L3MBTL4: variants seen among roughly 807,000 people sequenced by gnomAD.
L3MBTL4 encodes the protein lethal(3)malignant brain tumor-like protein 4.
A neutral mutation model predicts 84.5 loss-of-function variants in L3MBTL4; 70 were observed. The observed-to-expected ratio is 0.83, with a 90% CI of 0.68 to 1.01. The LOEUF is 1.01. L3MBTL4 is among the 50% of genes least tolerant of loss of function. The pLI is 0.00. For synonymous variants in L3MBTL4, 274 were observed against 259.8 expected, an observed-to-expected ratio of 1.05 and a Z score of -0.52; for missense variants, 715 against 754.8, an observed-to-expected ratio of 0.95 and a Z score of 0.62.
intron 12 of L3MBTL4, among the ~76,000 whole-genome samples, chr18:6,183,638 T>A (rs1326749700): frequency 6.6e-6 from 1 of 152,210 alleles, no homozygotes; most frequent in Non-Finnish European, 1.5e-5. Context: ...GACATAGGAT[T>A]TCTAAATAAG....
At chr18:6,245,513 T>C (rs1314919660) in intron 5 of L3MBTL4, among the ~76,000 whole-genome samples, 2 of 152,022 alleles carry the variant, frequency 1.3e-5, no homozygotes, top group African/African-American at 4.8e-5. Context: ...GTAAAATATA[T>C]CAATTATTTT....
At chr18:6,135,401 G>A (rs1415126807) in intron 14 of L3MBTL4, among the ~76,000 whole-genome samples, 1 of 152,138 alleles carries the variant, frequency 6.6e-6, no homozygotes, top group African/African-American at 2.4e-5. Context: ...CAAAAAATGG[G>A]TTTTTCTTTT....
At chr18:6,145,822 C>T (rs1279010895) in intron 13 of L3MBTL4, among the ~76,000 whole-genome samples, 1 of 152,092 alleles carries the variant, frequency 6.6e-6, no homozygotes, top group Non-Finnish European at 1.5e-5. Context: ...AGGGATATGG[C>T]GGCAAACCAG....
At chr18:6,311,124 C>T (rs2050808570) in intron 3 of L3MBTL4, among the ~76,000 whole-genome samples, 1 of 151,992 alleles carries the variant, frequency 6.6e-6, no homozygotes, top group Non-Finnish European at 1.5e-5. Flanking sequence ...ATAAGTCTCT[C>T]TCTCTCTCAC....
intron 1 of L3MBTL4, among the ~76,000 whole-genome samples, chr18:6,331,617 G>A (rs1002947071): frequency 1.3e-5 from 2 of 152,078 alleles, no homozygotes; most frequent in South Asian, 2.1e-4. Flanking sequence ...AAGCCTAGAG[G>A]AACTTAAAAT....
intron 16 of L3MBTL4, among the ~76,000 whole-genome samples, chr18:6,008,783 T>C (rs755644145): frequency 7.9e-5 from 12 of 152,232 alleles, no homozygotes; most frequent in Non-Finnish European, 1.6e-4. Flanking sequence ...TTTATTACAA[T>C]GTGGCTCTTT....
chr18:6,378,512 G>C (rs1188964708), intron 1 of L3MBTL4, among the ~76,000 whole-genome samples: 2 of 152,108 alleles, frequency 1.3e-5, no homozygotes, highest in Non-Finnish European at 2.9e-5. Context: ...ATAAGGAAGG[G>C]GTCCAGTTTC....
chr18:6,320,105 T>TA lies in L3MBTL4; in HGVS notation c.-90-8050dup, dbSNP rs532272451. Reference sequence around the variant, plus strand: ...TAAAAACTCCAGTATCCCTTTATGATAAAAAACCCTCAACAAACTAGACAT... The same window carrying TA: ...TAAAAACTCCAGTATCCCTTTATGATAAAAAAACCCTCAACAAACTAGACAT... On this transcript the variant is annotated intron_variant, in intron 1 of 18. Coordinates refer to ENST00000317931, the MANE Select transcript of L3MBTL4 (RefSeq NM_001330559.2). Among the ~76,000 whole-genome samples, 90 of 152,004 alleles carry TA rather than the reference T, an allele frequency of 5.9e-4. No individual in the cohort carries two copies. In the South Asian group the frequency reaches 0.011, roughly 19 times the overall value.
At chr18:6,257,423 G>A (rs949072857) in intron 5 of L3MBTL4, among the ~76,000 whole-genome samples, 9 of 151,830 alleles carry the variant, frequency 5.9e-5, no homozygotes, top group African/African-American at 2.2e-4. Context: ...TGACCCAAAG[G>A]TCAGGTTGCG....
intron 13 of L3MBTL4, among the ~76,000 whole-genome samples, chr18:6,164,970 G>A (rs774224688): frequency 1.2e-4 from 18 of 152,174 alleles, no homozygotes; most frequent in Non-Finnish European, 8.8e-5. Context: ...AATAATCAAC[G>A]TGGAGAAGTC....
chr18:6,037,676 A>G (rs1488929290), intron 16 of L3MBTL4, among the ~76,000 whole-genome samples: 1 of 152,246 alleles, frequency 6.6e-6, no homozygotes, highest in Non-Finnish European at 1.5e-5. Flanking sequence ...TGCTTGCAGT[A>G]TGCAAACAGA....
At chr18:5,971,434 T>G (rs2052637059) in intron 16 of L3MBTL4, among the ~76,000 whole-genome samples, 1 of 152,212 alleles carries the variant, frequency 6.6e-6, no homozygotes, top group Non-Finnish European at 1.5e-5. Context: ...TGAAATAGTG[T>G]GGACTTAAAC....
Position 6,264,294 on chromosome 18 carries a change from C to T in L3MBTL4, c.128-256G>A, listed in dbSNP as rs1159992849. Among the ~76,000 whole-genome samples, 5 of 152,206 alleles carry T rather than the reference C, an allele frequency of 3.3e-5. No individual in the cohort carries two copies. The East Asian group carries it at 5.8e-4, about 18-fold the overall frequency. ...CCCTCTAGAAAATGCCTAGTGAACT[C>T]TCAAGTTAGGTACCATCTTGCTCCT... On this transcript the variant is annotated intron_variant, in intron 4 of 18. Coordinates refer to ENST00000317931, the MANE Select transcript of L3MBTL4 (RefSeq NM_001330559.2).
intron 14 of L3MBTL4, among the ~76,000 whole-genome samples, chr18:6,131,788 C>T (rs1203352130): frequency 6.6e-6 from 1 of 152,122 alleles, no homozygotes. Flanking sequence ...AAGATACTAT[C>T]CAAGGTTGGT....
At chr18:6,311,416 A>G in intron 3 of L3MBTL4, 138 bp downstream of exon 3, 1 of 678,572 alleles carries the variant, frequency 1.5e-6, no homozygotes, top group East Asian at 2.6e-5. Flanking sequence ...ACCCCTACAC[A>G]TAAAGCTCAA....
intron 1 of L3MBTL4, among the ~76,000 whole-genome samples, chr18:6,382,747 C>T (rs1304725851): frequency 6.6e-6 from 1 of 152,200 alleles, no homozygotes; most frequent in Non-Finnish European, 1.5e-5. Flanking sequence ...AGGTGTCTAT[C>T]GGTCCCTACT....
At chr18:6,022,718 G>T (rs538896130) in intron 16 of L3MBTL4, among the ~76,000 whole-genome samples, 1 of 152,210 alleles carries the variant, frequency 6.6e-6, no homozygotes, top group South Asian at 2.1e-4. Context: ...CAAAGTCTAC[G>T]TGATTTGGCT....
chr18:6,376,038 G>A (rs781575601), intron 1 of L3MBTL4, among the ~76,000 whole-genome samples: 7 of 152,104 alleles, frequency 4.6e-5, no homozygotes, highest in Non-Finnish European at 5.9e-5. Context: ...CTCCAAACTC[G>A]TCACTGAGTC....
intron 5 of L3MBTL4, among the ~76,000 whole-genome samples, chr18:6,255,229 TC>T (rs1393995219): frequency 1.3e-5 from 2 of 152,190 alleles, no homozygotes; most frequent in African/African-American, 4.8e-5. Context: ...CTTTAATTCC[TC>T]CTCCTTCTGA....
Sources: gnomAD v4.1 joint callset for allele counts (sites outside exome capture counted in the v4.1 genomes callset) on GRCh38, gnomAD v4.1.1 for gene constraint, MANE v1.5 for transcripts, NCBI Gene and HGNC (gene_info 2026-07-23, HGNC 2026-07-21) for gene names.